FAM135B: variants seen among roughly 807,000 people sequenced by gnomAD.
FAM135B encodes protein FAM135B.
Under a neutral mutation model 127.7 loss-of-function variants are expected in FAM135B, and 43 were observed. That is an observed-to-expected ratio of 0.34 (90% CI 0.26 to 0.43). The LOEUF (loss-of-function observed/expected upper bound fraction) is 0.43. Ranked by LOEUF, FAM135B falls within the 20% of genes least tolerant of loss-of-function variation. The pLI is 1.00. For synonymous variants in FAM135B, 670 were observed against 665.1 expected (o/e 1.01, Z -0.11); for missense variants, 1,558 against 1,725.6 (o/e 0.90, Z 1.72).
intron 1 of FAM135B, among the ~76,000 whole-genome samples, chr8:138,461,939 C>G (rs922713953): frequency 1.3e-5 from 2 of 151,934 alleles, no homozygotes; most frequent in Non-Finnish European, 2.9e-5. Context: ...TGGCTGTCAT[C>G]CTGCCCGAAT....
intron 8 of FAM135B, among the ~76,000 whole-genome samples, chr8:138,196,462 G>A (rs1816637249): frequency 6.6e-6 from 1 of 152,204 alleles, no homozygotes; most frequent in Non-Finnish European, 1.5e-5. Context: ...CTACATACCG[G>A]AGAGAGTGTG....
chr8:138,155,070 A>C (rs1274305640), intron 12 of FAM135B, among the ~76,000 whole-genome samples: 1 of 152,234 alleles, frequency 6.6e-6, no homozygotes, highest in East Asian at 1.9e-4. Flanking sequence ...CCACAAAGGG[A>C]AGCCCATCAG....
intron 1 of FAM135B, among the ~76,000 whole-genome samples, chr8:138,431,842 G>C (rs1333693991): frequency 6.6e-6 from 1 of 152,162 alleles, no homozygotes; most frequent in African/African-American, 2.4e-5. Context: ...AGATACTCCA[G>C]ACTCAGATTG....
intron 12 of FAM135B, among the ~76,000 whole-genome samples, chr8:138,162,906 T>A (rs1819535227): frequency 6.6e-6 from 1 of 152,162 alleles, no homozygotes; most frequent in Non-Finnish European, 1.5e-5. Context: ...AGGTCATAGA[T>A]TCTTGGAATT....
At chr8:138,372,818 C>T (rs1015306952) in intron 1 of FAM135B, among the ~76,000 whole-genome samples, 1 of 152,096 alleles carries the variant, frequency 6.6e-6, no homozygotes, top group Non-Finnish European at 1.5e-5. Flanking sequence ...ATCAAGTGCC[C>T]CTTACTGACC....
intron 1 of FAM135B, among the ~76,000 whole-genome samples, chr8:138,411,383 G>A (rs4474030): frequency 0.018 from 2,741 of 152,190 alleles, 78 homozygotes; most frequent in African/African-American, 0.061. Context: ...CAAGCAACGG[G>A]GAAAGGATTC....
chr8:138,143,282 G>C (rs1817370418), intron 15 of FAM135B, among the ~76,000 whole-genome samples, 173 bp from the exon 16 acceptor site: 2 of 152,114 alleles, frequency 1.3e-5, no homozygotes, highest in Non-Finnish European at 2.9e-5. Context: ...CACAGACTGG[G>C]GCTCTAAGAA....
chr8:138,427,044 G>GA, intron 1 of FAM135B, among the ~76,000 whole-genome samples: 1 of 151,822 alleles, frequency 6.6e-6, no homozygotes, highest in Non-Finnish European at 1.5e-5. Context: ...AAGCCAAACA[G>GA]AAAAAATATA....
At chr8:138,364,492 C>T (rs1830621311) in intron 2 of FAM135B, among the ~76,000 whole-genome samples, 8 of 152,156 alleles carry the variant, frequency 5.3e-5, no homozygotes, top group Admixed American at 2.6e-4. Context: ...AAGTGACCCT[C>T]AAGCATATGT....
rs368279778 is a variant in FAM135B, at chr8:138,131,435, T to C, written c.*1158A>G. 6.5e-6 allele frequency: 1 copy of C among 152,822 alleles called. No homozygotes were observed. Among genetic ancestry groups the C allele is most frequent in the East Asian group, 1.9e-4 (1 of 5,184 alleles). 9.5% of individuals were successfully genotyped at this position (152,822 alleles called of 1,614,324 possible). ...AGTCACTTACCAATAACAGCTTATGTTGAGTCTTCAGTCTGGTTGTTCTCC... is the reference window on the plus strand; with the variant it reads ...AGTCACTTACCAATAACAGCTTATGCTGAGTCTTCAGTCTGGTTGTTCTCC... On this transcript the variant is annotated 3_prime_UTR_variant, in exon 20 of 20. Transcript: ENST00000395297.
chr8:138,160,106 T>C (rs1819208518), intron 12 of FAM135B, among the ~76,000 whole-genome samples: 1 of 152,136 alleles, frequency 6.6e-6, no homozygotes, highest in African/African-American at 2.4e-5. Flanking sequence ...TCTCTAGTGA[T>C]GACACAGACT....
rs748683046 is a variant in FAM135B, at chr8:138,250,889, G to A, written c.494C>T (p.Ser165Leu). The A allele has an allele frequency of 3.7e-6, 6 of 1,613,940 alleles. No homozygotes were observed. The highest frequency in any genetic ancestry group is 3.4e-6 in the Non-Finnish European group (4 of 1,179,994). Residue 165 changes from serine to leucine, a missense_variant, in exon 6 of 20, where the codon TCG becomes TTG. Around this residue, in one of 5 missense-constraint regions of FAM135B, gnomAD observed 199 missense variants for 245.7 expected, o/e 0.81. Transcript: ENST00000395297. ...CACCAGGGCAGCATGGACGGTCACC[G>A]AGATCACAGACAGGTGGAAATAGTC... ...MFDYFHLSVI[S>L]VTVHAALVAL... is the part of the protein sequence containing the mutation.
chr8:138,398,152 C>T (rs142093378), intron 1 of FAM135B, among the ~76,000 whole-genome samples: 1 of 152,296 alleles, frequency 6.6e-6, no homozygotes, highest in Non-Finnish European at 1.5e-5. Context: ...TTCACGCCTT[C>T]TGTAAAATGG....
At chr8:138,456,895 C>CAA (rs1242008781) in intron 1 of FAM135B, among the ~76,000 whole-genome samples, 1 of 151,962 alleles carries the variant, frequency 6.6e-6, no homozygotes, top group Admixed American at 6.6e-5. Context: ...TTCCTGGAGT[C>CAA]ATACCCCGTT....
chr8:138,426,760 C>T (rs2131486947), intron 1 of FAM135B, among the ~76,000 whole-genome samples: 1 of 151,950 alleles, frequency 6.6e-6, no homozygotes, highest in East Asian at 1.9e-4. Flanking sequence ...TAGACCTAAA[C>T]ACATATTCCT....
intron 12 of FAM135B, among the ~76,000 whole-genome samples, chr8:138,153,434 G>A (rs570136388): frequency 3.5e-4 from 53 of 152,120 alleles, no homozygotes; most frequent in Non-Finnish European, 5.3e-4. Flanking sequence ...ATCTCATTGG[G>A]ACTTGTTGGA....
At chr8:138,362,283 CTT>C (rs34005300) in intron 2 of FAM135B, among the ~76,000 whole-genome samples, 6,249 of 98,882 alleles carry the variant, frequency 0.063, 230 homozygotes, top group East Asian at 0.19. Flanking sequence ...ACCCCCATAT[CTT>C]TTTTTTTTTT....
At chr8:138,372,583 G>T (rs1831203634) in intron 1 of FAM135B, among the ~76,000 whole-genome samples, 1 of 152,134 alleles carries the variant, frequency 6.6e-6, no homozygotes, top group Non-Finnish European at 1.5e-5. Flanking sequence ...TTCCTTGTTT[G>T]TAAAGTGAGG....
chr8:138,195,813 C>G (rs1386042069), intron 8 of FAM135B, among the ~76,000 whole-genome samples: 1 of 152,194 alleles, frequency 6.6e-6, no homozygotes, highest in East Asian at 1.9e-4. Context: ...TCAGCAGAAA[C>G]CAGGTGGCCT....
Sources: allele counts gnomAD v4.1 joint callset (sites outside exome capture counted in the v4.1 genomes callset), GRCh38; gene constraint gnomAD v4.1.1; regional missense constraint gnomAD v4.1.1; transcripts MANE v1.5; gene names NCBI Gene and HGNC (gene_info 2026-07-23, HGNC 2026-07-21).